The following NPAS3 variants were observed in gnomAD, a reference collection of about 807,000 sequenced individuals.
NPAS3 encodes neuronal PAS domain protein 3, also known as neuronal PAS domain-containing protein 3.
A neutral mutation model predicts 73.1 loss-of-function variants in NPAS3; 14 were observed. That is an observed-to-expected ratio of 0.19 (90% CI 0.13 to 0.30). The LOEUF is 0.30. Ranked by LOEUF, NPAS3 falls within the 10% of genes least tolerant of loss-of-function variation. NPAS3 has a pLI of 1.00. For synonymous variants in NPAS3, 620 were observed against 541.5 expected (o/e 1.14, Z -2.01); for missense variants, 1,096 against 1,250.0 (o/e 0.88, Z 1.86).
At chr14:33,069,190 A>G (rs1348062230) in intron 2 of NPAS3, among the ~76,000 whole-genome samples, 2 of 152,210 alleles carry the variant, frequency 1.3e-5, no homozygotes, top group African/African-American at 2.4e-5. Context: ...TATTGAATCC[A>G]AGATTAAATA....
chr14:33,056,585 C>G (rs887135863), intron 2 of NPAS3, among the ~76,000 whole-genome samples: 2 of 152,198 alleles, frequency 1.3e-5, no homozygotes, highest in Non-Finnish European at 2.9e-5. Flanking sequence ...CATTACTTAA[C>G]AGAATCTGCA....
chr14:33,732,440 C>A (rs961400369), intron 6 of NPAS3, among the ~76,000 whole-genome samples: 41 of 152,332 alleles, frequency 2.7e-4, no homozygotes, highest in African/African-American at 9.1e-4. Context: ...ATTGTCACAG[C>A]TGGGATAAAC....
chr14:33,377,372 G>A (rs2046354191), intron 4 of NPAS3, among the ~76,000 whole-genome samples: 1 of 152,136 alleles, frequency 6.6e-6, no homozygotes, highest in Non-Finnish European at 1.5e-5. Context: ...AAAAAATGAG[G>A]ATAAACACCC....
rs545258397 is a variant in NPAS3 at position 33,123,067 on chromosome 14, A to G, written c.140+67073A>G. Reference sequence around the variant, plus strand: ...ACTGTCATTGCTGCACACAACAAAGATATACCTTTTAAACAACATTTTATT... The same window carrying G: ...ACTGTCATTGCTGCACACAACAAAGGTATACCTTTTAAACAACATTTTATT... On this transcript the variant is annotated intron_variant, in intron 2 of 11. Coordinates refer to ENST00000356141, the Ensembl canonical transcript of NPAS3. Among the ~76,000 whole-genome samples the G allele has an allele frequency of 3.3e-5, 5 of 152,080 alleles. No individual in the cohort carries two copies. In the East Asian group the frequency reaches 9.6e-4, roughly 29 times the overall value.
At chr14:33,002,540 C>A (rs995655743) in intron 1 of NPAS3, among the ~76,000 whole-genome samples, 9 of 152,122 alleles carry the variant, frequency 5.9e-5, no homozygotes, top group African/African-American at 2.2e-4. Flanking sequence ...TTTCAGACAG[C>A]GAAGTGGCCC....
intron 4 of NPAS3, among the ~76,000 whole-genome samples, chr14:33,525,597 G>A (rs1211680418): frequency 1.3e-5 from 2 of 152,090 alleles, no homozygotes; most frequent in Non-Finnish European, 2.9e-5. Context: ...CCTATATGCT[G>A]TGTCTTTGAG....
At chr14:33,117,440 A>G (rs2043104818) in intron 2 of NPAS3, among the ~76,000 whole-genome samples, 1 of 152,150 alleles carries the variant, frequency 6.6e-6, no homozygotes, top group South Asian at 2.1e-4. Flanking sequence ...ACAGAGAAAT[A>G]ACCTTGCTGC....
At chr14:33,507,656 T>C (rs560832294) in intron 4 of NPAS3, among the ~76,000 whole-genome samples, 11 of 152,072 alleles carry the variant, frequency 7.2e-5, no homozygotes, top group Non-Finnish European at 1.3e-4. Context: ...AAATGTGCCC[T>C]GACCATGGAA....
chr14:33,107,758 G>T (rs1009846453), intron 2 of NPAS3, among the ~76,000 whole-genome samples: 1 of 152,052 alleles, frequency 6.6e-6, no homozygotes, highest in Non-Finnish European at 1.5e-5. Context: ...ACAAGTTTAT[G>T]GGTTAGCTAA....
intron 7 of NPAS3, among the ~76,000 whole-genome samples, chr14:33,750,538 T>G (rs1184492951): frequency 3.9e-5 from 6 of 152,140 alleles, no homozygotes; most frequent in Non-Finnish European, 8.8e-5. Flanking sequence ...ATCTACATAG[T>G]GGAAAGTTTT....
At chr14:33,656,167 C>T (rs2059140099) in intron 5 of NPAS3, among the ~76,000 whole-genome samples, 1 of 152,160 alleles carries the variant, frequency 6.6e-6, no homozygotes, top group Non-Finnish European at 1.5e-5. Flanking sequence ...ACACTGCAAA[C>T]AGAAGACTAG....
chr14:33,012,600 G>A (rs894805256), intron 1 of NPAS3, among the ~76,000 whole-genome samples: 1 of 151,194 alleles, frequency 6.6e-6, no homozygotes, highest in Admixed American at 6.6e-5. Context: ...CTGGGCTGGA[G>A]TACAGTGGCG....
chr14:33,318,197 G>A (rs1583801), intron 3 of NPAS3, among the ~76,000 whole-genome samples: 69,222 of 151,944 alleles, frequency 0.46, 16,789 homozygotes, highest in Middle Eastern at 0.6. Flanking sequence ...ATGCTACAAC[G>A]TCTGTGAACT....
At chr14:33,212,157 A>G (rs575835711) in intron 2 of NPAS3, among the ~76,000 whole-genome samples, 1 of 152,224 alleles carries the variant, frequency 6.6e-6, no homozygotes, top group East Asian at 1.9e-4. Context: ...TGCACAATCT[A>G]GAGTGTCATT....
intron 1 of NPAS3, among the ~76,000 whole-genome samples, chr14:32,997,124 G>C (rs1471633744): frequency 2.6e-5 from 4 of 152,304 alleles, no homozygotes; most frequent in Admixed American, 2.6e-4. Flanking sequence ...AGATTTGACT[G>C]CCCTGCTGGA....
rs536510979 is a variant in NPAS3 at position 33,794,125 on chromosome 14, A to G, written c.1301+81A>G. ...AATATGGCTATGGTTAATAGCCGAC[A>G]TGTTGTGAATATTATCTTTTGACAG... On this transcript the variant is annotated intron_variant, in intron 10 of 11. Transcript: ENST00000356141. 1.4e-4 allele frequency: 168 copies of G among 1,218,410 alleles called. 1 individual carries two copies. The highest frequency in any genetic ancestry group is 1.1e-3 in the Middle Eastern group (5 of 4,720). 75.5% of individuals were successfully genotyped at this position (1,218,410 alleles called of 1,614,324 possible).
At chr14:33,280,064 G>A (rs2041527084) in intron 3 of NPAS3, among the ~76,000 whole-genome samples, 1 of 152,168 alleles carries the variant, frequency 6.6e-6, no homozygotes, top group Admixed American at 6.5e-5. Flanking sequence ...AATGGGCGTG[G>A]CCTGTTACCT....
chr14:33,471,348 C>T (rs1157460441), intron 4 of NPAS3, among the ~76,000 whole-genome samples: 2 of 152,218 alleles, frequency 1.3e-5, no homozygotes, highest in Non-Finnish European at 2.9e-5. Context: ...TTACACCAAA[C>T]TTTCTGACCA....
intron 5 of NPAS3, among the ~76,000 whole-genome samples, chr14:33,569,946 G>A (rs376185303): frequency 3.9e-5 from 6 of 152,040 alleles, no homozygotes; most frequent in East Asian, 1.9e-4. Context: ...GTACAGGCTC[G>A]CCTTGCTTTA....
Sources: allele counts gnomAD v4.1 joint callset (sites outside exome capture counted in the v4.1 genomes callset), GRCh38; gene constraint gnomAD v4.1.1; transcripts MANE v1.5; gene names NCBI Gene and HGNC (gene_info 2026-07-23, HGNC 2026-07-21).